Variants in MARCHF1 observed in about 807,000 individuals in gnomAD.
The protein encoded by MARCHF1 is E3 ubiquitin-protein ligase MARCHF1.
In MARCHF1, 40 loss-of-function variants were observed where a neutral mutation model predicts 54.2. The ratio of observed to expected loss-of-function variants is 0.74; its 90% CI spans 0.57 to 0.96. The LOEUF is 0.96. MARCHF1 is among the 40% of genes least tolerant of loss of function. MARCHF1 has a pLI of 0.00. For synonymous variants in MARCHF1, 236 were observed against 236.3 expected, an observed-to-expected ratio of 1.00 and a Z score of 0.01; for missense variants, 586 against 656.5, an observed-to-expected ratio of 0.89 and a Z score of 1.17.
chr4:163,958,007 C>A (rs928468895), intron 3 of MARCHF1, among the ~76,000 whole-genome samples: 1 of 152,020 alleles, frequency 6.6e-6, no homozygotes, highest in Non-Finnish European at 1.5e-5. Context: ...CAGAGCCTTA[C>A]AATAAGAGCC....
At chr4:164,161,404 T>C (rs2110942737) in intron 1 of MARCHF1, among the ~76,000 whole-genome samples, 1 of 152,240 alleles carries the variant, frequency 6.6e-6, no homozygotes, top group East Asian at 1.9e-4. Context: ...CAATCAAACC[T>C]CTTTTCTTTA....
At chr4:163,680,085 T>C (rs1744055321) in intron 5 of MARCHF1, among the ~76,000 whole-genome samples, 1 of 151,780 alleles carries the variant, frequency 6.6e-6, no homozygotes, top group Non-Finnish European at 1.5e-5. Context: ...ATGTTCCTTA[T>C]AATTTTCATA....
rs990266059 is a variant in MARCHF1 at position 164,157,419 on chromosome 4, C to A, written c.-322-45757G>T. Among the ~76,000 whole-genome samples, 6 of 152,218 alleles carry A rather than the reference C, an allele frequency of 3.9e-5. 1 individual carries two copies. The highest frequency in any genetic ancestry group is 4.1e-4 in the South Asian group (2 of 4,832). On this transcript the variant is annotated intron_variant, in intron 1 of 9. Coordinates refer to ENST00000514618, the MANE Select transcript of MARCHF1 (RefSeq NM_001394959.1). ...CAGTTTGTGAAAATAATGCATATTG[C>A]TCTGTGTTCAAAAACTGTTCCTTAC...
chr4:164,336,605 T>C (rs1171131546), intron 1 of MARCHF1, among the ~76,000 whole-genome samples: 2 of 152,234 alleles, frequency 1.3e-5, no homozygotes, highest in Non-Finnish European at 2.9e-5. Context: ...CTTATACTTA[T>C]GTTGAGGATA....
At chr4:164,231,881 C>T (rs1732423011) in intron 1 of MARCHF1, among the ~76,000 whole-genome samples, 1 of 152,042 alleles carries the variant, frequency 6.6e-6, no homozygotes, top group Non-Finnish European at 1.5e-5. Context: ...GCCCTAATTA[C>T]TAATTACGGA....
intron 5 of MARCHF1, among the ~76,000 whole-genome samples, chr4:163,651,653 G>A (rs1425612500): frequency 6.6e-6 from 1 of 151,236 alleles, no homozygotes; most frequent in African/African-American, 2.4e-5. Context: ...TAAGTAGATG[G>A]CGTCAGCCCC....
intron 1 of MARCHF1, among the ~76,000 whole-genome samples, chr4:164,113,731 G>C (rs1192726980): frequency 6.6e-6 from 1 of 151,952 alleles, no homozygotes; most frequent in African/African-American, 2.4e-5. Flanking sequence ...AACAGATGGT[G>C]CATAACCATT....
At chr4:164,197,102 C>T (rs780841406) in intron 1 of MARCHF1, 4 of 1,606,400 alleles carry the variant, frequency 2.5e-6, no homozygotes, top group African/African-American at 2.7e-5. Flanking sequence ...TCATCCTCCT[C>T]GTCCCCTCCA....
At chr4:163,801,388 A>G (rs1157386356) in intron 4 of MARCHF1, among the ~76,000 whole-genome samples, 1 of 152,104 alleles carries the variant, frequency 6.6e-6, no homozygotes, top group Non-Finnish European at 1.5e-5. Context: ...TGAAAAAAAA[A>G]TCCCTAGACA....
At chr4:164,080,936 T>C (rs1176759785) in intron 2 of MARCHF1, among the ~76,000 whole-genome samples, 8 of 151,248 alleles carry the variant, frequency 5.3e-5, no homozygotes. Flanking sequence ...TGGCCGGGCG[T>C]GGTGGCTCAC....
chr4:164,280,597 C>T (rs539228702), intron 1 of MARCHF1, among the ~76,000 whole-genome samples: 1 of 151,946 alleles, frequency 6.6e-6, no homozygotes, highest in Non-Finnish European at 1.5e-5. Context: ...AATATTGAAA[C>T]CAAATTTATT....
intron 4 of MARCHF1, among the ~76,000 whole-genome samples, chr4:163,754,776 GAA>G (rs750222808): frequency 1.1e-4 from 16 of 151,766 alleles, no homozygotes; most frequent in Non-Finnish European, 1.6e-4. Flanking sequence ...ACTTACACAG[GAA>G]AAAGAGTTCA....
intron 3 of MARCHF1, among the ~76,000 whole-genome samples, chr4:163,898,060 C>CAAAAA (rs70948673): frequency 1.2e-4 from 10 of 81,858 alleles, no homozygotes; most frequent in Non-Finnish European, 1.3e-4. Context: ...GACTCCGTCT[C>CAAAAA]AAAAAAAAAA....
At chr4:163,980,943 C>T (rs149357089) in intron 3 of MARCHF1, among the ~76,000 whole-genome samples, 91 of 152,292 alleles carry the variant, frequency 6.0e-4, no homozygotes, top group African/African-American at 2.1e-3. Context: ...ACTAAGCATT[C>T]ATAGGCATAG....
intron 2 of MARCHF1, among the ~76,000 whole-genome samples, chr4:164,002,414 A>G (rs1242091697): frequency 6.6e-6 from 1 of 151,812 alleles, no homozygotes; most frequent in Admixed American, 6.6e-5. Flanking sequence ...TATTAAAAAT[A>G]CCATATTTGA....
At chr4:163,588,023 G>C (rs560447313) in intron 7 of MARCHF1, among the ~76,000 whole-genome samples, 5 of 152,138 alleles carry the variant, frequency 3.3e-5, no homozygotes, top group South Asian at 2.1e-4. Flanking sequence ...AACATTGCCA[G>C]AGACCTCAAA....
chr4:164,275,729 T>C (rs111829678), intron 1 of MARCHF1, among the ~76,000 whole-genome samples: 74 of 152,310 alleles, frequency 4.9e-4, no homozygotes, highest in African/African-American at 1.7e-3. Flanking sequence ...CAGTGAATCA[T>C]TGAAGACTGA....
At chr4:163,828,729 T>G (rs1748927102) in intron 4 of MARCHF1, 1 of 152,210 alleles carries the variant, frequency 6.6e-6, no homozygotes, top group Non-Finnish European at 1.5e-5. Flanking sequence ...ACATTTAAAT[T>G]TCTTCGTCAA....
At chr4:164,261,740 C>G (rs544235782) in intron 1 of MARCHF1, among the ~76,000 whole-genome samples, 2 of 152,298 alleles carry the variant, frequency 1.3e-5, no homozygotes, top group African/African-American at 2.4e-5. Flanking sequence ...TCCTGGCCAT[C>G]AAGCCTTCTT....
Sources: allele counts gnomAD v4.1 joint callset (sites outside exome capture counted in the v4.1 genomes callset), GRCh38; gene constraint gnomAD v4.1.1; transcripts MANE v1.5; gene names NCBI Gene and HGNC (gene_info 2026-07-23, HGNC 2026-07-21).